Variants in SYNE2 observed in about 807,000 individuals in gnomAD.
The protein encoded by SYNE2 is nesprin-2.
SYNE2 carries 431 observed loss-of-function variants against 856.3 expected under a neutral mutation model. The observed-to-expected ratio is 0.50, with a 90% CI of 0.47 to 0.55. SYNE2 has a LOEUF of 0.55. Ranked by LOEUF, SYNE2 falls within the 20% of genes least tolerant of loss-of-function variation. The pLI, the probability that SYNE2 is intolerant of heterozygous loss-of-function variation, is 0.00. For synonymous variants in SYNE2, 2,923 were observed against 2,872.3 expected (o/e 1.02, Z -0.56); for missense variants, 8,129 against 8,023.2 (o/e 1.01, Z -0.50).
At chr14:63,916,285 A>G (rs1041674445) in intron 2 of SYNE2, among the ~76,000 whole-genome samples, 3 of 152,220 alleles carry the variant, frequency 2.0e-5, no homozygotes, top group Admixed American at 6.5e-5. Flanking sequence ...TACTGTATAT[A>G]GCATTATTTG....
intron 1 of SYNE2, among the ~76,000 whole-genome samples, chr14:63,847,414 A>G (rs1215289638): frequency 6.6e-6 from 1 of 151,986 alleles, no homozygotes; most frequent in Non-Finnish European, 1.5e-5. Context: ...CCATGATCAT[A>G]CCATTGCACT....
In SYNE2 at chr14:64,003,269, G is replaced by T; in HGVS notation, c.4336G>T (p.Val1446Leu). Residue 1446 changes from valine to leucine, a missense_variant, in exon 30 of 116, where the codon GTG becomes TTG. Around this residue, in one of 3 missense-constraint regions of SYNE2, gnomAD observed 2,422 missense variants for 2,357.4 expected, o/e 1.03. Coordinates refer to ENST00000555002, the MANE Select transcript of SYNE2 (RefSeq NM_182914.3). ...NNELLKNIQD[V>L]QSQISKIGLK... ...TGAACTCCTTAAAAATATTCAAGAT[G>T]TGCAGAGTCAAATCAGTAAAATTGG... is the stretch of plus-strand genomic sequence containing the variant. 1 of 1,614,034 alleles carries T rather than the reference G, an allele frequency of 6.2e-7. No individual in the cohort carries two copies. Among genetic ancestry groups the T allele is most frequent in the Non-Finnish European group, 8.5e-7 (1 of 1,180,000 alleles).
intron 64 of SYNE2, among the ~76,000 whole-genome samples, chr14:64,105,102 C>G (rs1396458638): frequency 6.6e-6 from 1 of 152,176 alleles, no homozygotes; most frequent in Non-Finnish European, 1.5e-5. Context: ...AGCCTCTCCT[C>G]CCATTATTTT....
At chr14:63,973,771 C>T (rs546482009) in intron 11 of SYNE2, among the ~76,000 whole-genome samples, 44 of 152,014 alleles carry the variant, frequency 2.9e-4, no homozygotes, top group Non-Finnish European at 5.4e-4. Context: ...TGCACAGTTC[C>T]ATTTGACTGC....
intron 2 of SYNE2, 135 bp from the exon 3 acceptor site, chr14:63,940,479 A>G: frequency 1.3e-6 from 1 of 788,112 alleles, no homozygotes; most frequent in East Asian, 2.7e-5. Context: ...TCTACAGTTT[A>G]GACTAAATCC....
chr14:63,801,954 A>C (rs192322621), intron 1 of SYNE2, among the ~76,000 whole-genome samples: 40 of 152,150 alleles, frequency 2.6e-4, no homozygotes, highest in African/African-American at 8.4e-4. Flanking sequence ...TATTCATCTT[A>C]AGAAGGTCTT....
At chr14:63,936,077 G>C (rs140181888) in intron 2 of SYNE2, among the ~76,000 whole-genome samples, 4 of 152,064 alleles carry the variant, frequency 2.6e-5, no homozygotes, top group Admixed American at 6.5e-5. Flanking sequence ...GTTTCACCAT[G>C]TTGGCCACGC....
chr14:63,913,454 T>TTTTC (rs1338297915), intron 2 of SYNE2, among the ~76,000 whole-genome samples: 1 of 142,234 alleles, frequency 7.0e-6, no homozygotes. Context: ...TTCTTTTTCT[T>TTTTC]TTTCTTTCTT....
intron 1 of SYNE2, among the ~76,000 whole-genome samples, chr14:63,869,994 AC>A (rs2140360665): frequency 6.6e-6 from 1 of 152,302 alleles, no homozygotes; most frequent in East Asian, 1.9e-4. Flanking sequence ...AATTTCTGAA[AC>A]ATCCTTGTAA....
intron 1 of SYNE2, among the ~76,000 whole-genome samples, chr14:63,907,062 G>C (rs978683005): frequency 6.6e-6 from 1 of 152,130 alleles, no homozygotes; most frequent in African/African-American, 2.4e-5. Flanking sequence ...ATGGACTTTG[G>C]GGGACGTAAG....
In SYNE2 at chr14:64,064,567, T is replaced by TA. The variant is rs1193813556; in HGVS notation, c.10213-862dup. Among the ~76,000 whole-genome samples the TA allele has an allele frequency of 1.8e-4, 24 of 137,004 alleles. No homozygotes were observed. The South Asian group carries it at 2.9e-3, about 16-fold the overall frequency. 89.9% of individuals were successfully genotyped at this position (137,004 alleles called of 152,430 possible). ...ATTTTTTTTTTTTTTTTTTTTTTTT[T>TA]AAATAAGACAGGGTCTTGTTCTGTC... On this transcript the variant is annotated intron_variant, in intron 50 of 115. Transcript: ENST00000555002.
chr14:63,981,383 C>A (rs1035011221), intron 16 of SYNE2, among the ~76,000 whole-genome samples: 1 of 152,072 alleles, frequency 6.6e-6, no homozygotes, highest in Non-Finnish European at 1.5e-5. Context: ...TGGTCAAACA[C>A]GCACATACAC....
intron 19 of SYNE2, among the ~76,000 whole-genome samples, chr14:63,988,577 A>C (rs979558455): frequency 6.6e-6 from 1 of 152,254 alleles, no homozygotes; most frequent in African/African-American, 2.4e-5. Context: ...AGTTGATATC[A>C]CATACTATAA....
chr14:64,099,824 G>A (rs1364795372), intron 63 of SYNE2: 1 of 151,712 alleles, frequency 6.6e-6, no homozygotes, highest in Non-Finnish European at 1.5e-5. Context: ...ATGCATACAT[G>A]TGCCATGCTG....
intron 32 of SYNE2, among the ~76,000 whole-genome samples, chr14:64,013,882 C>T (rs1340074169): frequency 6.6e-6 from 1 of 151,556 alleles, no homozygotes; most frequent in Non-Finnish European, 1.5e-5. Context: ...ATTGAGTTTC[C>T]CCAATGGTAA....
intron 61 of SYNE2, among the ~76,000 whole-genome samples, chr14:64,094,857 A>G (rs2097663371): frequency 6.6e-6 from 1 of 152,218 alleles, no homozygotes; most frequent in Non-Finnish European, 1.5e-5. Context: ...TAAACCCACT[A>G]CATATTAATA....
rs780818308 is a variant in SYNE2 at position 64,223,322 on chromosome 14, A to C, written c.20324A>C (p.Lys6775Thr). The change falls in exon 113 of 116, where the codon AAA becomes ACA. Residue 6775 changes from lysine (K) to threonine (T), a missense_variant. Physicochemically the swap from Lys to Thr is moderately conservative, Grantham distance 78. This residue lies in a region of SYNE2 where 5,410 missense variants were observed against 5,284.8 expected (regional missense o/e 1.02). Transcript: ENST00000555002. ...AEEKVHVIEK[K>T]LKQLREQVSQ... ...GAAAAGGTGCATGTTATTGAGAAGA[A>C]ACTCAAACAGTTACGGGAGCAAGTG... The C allele has an allele frequency of 8.1e-6, 13 of 1,614,094 alleles. No individual in the cohort carries two copies. In the African/African-American group the frequency reaches 1.3e-4, roughly 17 times the overall value.
intron 2 of SYNE2, among the ~76,000 whole-genome samples, chr14:63,922,860 C>G (rs79337225): frequency 7.9e-5 from 12 of 152,076 alleles, no homozygotes; most frequent in Admixed American, 2.6e-4. Context: ...AAACAATAAC[C>G]CTGAGTAATT....
At chr14:63,817,091 G>A (rs542125116) in intron 1 of SYNE2, among the ~76,000 whole-genome samples, 2 of 152,174 alleles carry the variant, frequency 1.3e-5, no homozygotes, top group East Asian at 1.9e-4. Flanking sequence ...TCTGCCCTTG[G>A]ATTCGACAAT....
Sources: gnomAD v4.1 joint callset for allele counts (sites outside exome capture counted in the v4.1 genomes callset) on GRCh38, gnomAD v4.1.1 for gene constraint, gnomAD v4.1.1 regional missense constraint, MANE v1.5 for transcripts, NCBI Gene and HGNC (gene_info 2026-07-23, HGNC 2026-07-21) for gene names.